The following KIF6 variants were observed in gnomAD, a reference collection of about 807,000 sequenced individuals.
KIF6 encodes kinesin family member 6, also known as kinesin-like protein KIF6.
Under a neutral mutation model 112.7 loss-of-function variants are expected in KIF6, and 106 were observed. The observed-to-expected ratio is 0.94, with a 90% CI of 0.80 to 1.11. KIF6 has a LOEUF of 1.11. Among genes scored for constraint, KIF6 ranks in the 50% least tolerant of loss-of-function variants. The pLI is 0.00. For missense variants in KIF6, 929 were observed against 964.0 expected, an observed-to-expected ratio of 0.96 and a Z score of 0.48; for synonymous variants, 339 against 339.9, an observed-to-expected ratio of 1.00 and a Z score of 0.03.
chr6:39,658,380 C>G (rs532175761), intron 3 of KIF6, among the ~76,000 whole-genome samples: 1 of 151,726 alleles, frequency 6.6e-6, no homozygotes, highest in Non-Finnish European at 1.5e-5. Flanking sequence ...ACTTTTAGTT[C>G]GGAAAATAAA....
At chr6:39,566,069 C>T (rs988201293) in intron 10 of KIF6, among the ~76,000 whole-genome samples, 1 of 152,186 alleles carries the variant, frequency 6.6e-6, no homozygotes, top group East Asian at 1.9e-4. Context: ...ATTTACAAGT[C>T]CCTTGCAAAA....
chr6:39,581,045 C>CTTGA (rs930554263), intron 9 of KIF6, among the ~76,000 whole-genome samples: 62 of 152,116 alleles, frequency 4.1e-4, no homozygotes, highest in African/African-American at 1.4e-3. Context: ...AATTAGCAGG[C>CTTGA]TTGATCCAGC....
chr6:39,655,241 G>GT (rs1358554910), intron 3 of KIF6, among the ~76,000 whole-genome samples: 1 of 151,852 alleles, frequency 6.6e-6, no homozygotes, highest in Non-Finnish European at 1.5e-5. Flanking sequence ...ACTTTTATAC[G>GT]TTTTTTGACC....
rs150604676 is a variant in KIF6, at chr6:39,370,211, G to A, written c.1862-7693C>T. ...TAGTAGGAAACTTGGCATGCCTACA[G>A]TCCAGCTGCATCTTTATTGCACTGG... On this transcript the variant is annotated intron_variant, in intron 16 of 22. Transcript: ENST00000287152. Among the ~76,000 whole-genome samples, 701 of 152,318 alleles carry A rather than the reference G, an allele frequency of 4.6e-3. 4 individuals carry two copies. Among genetic ancestry groups the A allele is most frequent in the African/African-American group, 0.016 (645 of 41,566 alleles).
rs770714881 is a variant in KIF6, at chr6:39,596,277, A to G, written c.640-17T>C. The G allele has an allele frequency of 2.6e-6, 4 of 1,541,196 alleles. No homozygotes were observed. In the Admixed American group the frequency reaches 6.8e-5, roughly 26 times the overall value. On this transcript the variant is annotated splice_polypyrimidine_tract_variant and intron_variant, in intron 6 of 22. Coordinates refer to ENST00000287152, the MANE Select transcript of KIF6 (RefSeq NM_145027.6). ...CATAGGAGTCTATAAAAAAATTGCA[A>G]AACAAAAATTATTTGAACAATGAAA...
At chr6:39,468,603 T>A (rs1773938904) in intron 13 of KIF6, among the ~76,000 whole-genome samples, 1 of 152,144 alleles carries the variant, frequency 6.6e-6, no homozygotes, top group Non-Finnish European at 1.5e-5. Context: ...CAACCAAGAC[T>A]CTTGTATTCA....
intron 16 of KIF6, among the ~76,000 whole-genome samples, chr6:39,379,437 G>A (rs1160613325): frequency 6.6e-6 from 1 of 152,186 alleles, no homozygotes; most frequent in East Asian, 1.9e-4. Context: ...CTAGGGATTC[G>A]AAGATGAATT....
At chr6:39,664,805 G>A (rs774195256) in intron 3 of KIF6, among the ~76,000 whole-genome samples, 26 of 151,988 alleles carry the variant, frequency 1.7e-4, no homozygotes, top group Non-Finnish European at 7.4e-5. Context: ...CCTTAATACC[G>A]TAATGCCAAA....
chr6:39,559,706 C>G (rs1169157480), intron 10 of KIF6, among the ~76,000 whole-genome samples: 2 of 151,976 alleles, frequency 1.3e-5, no homozygotes, highest in African/African-American at 4.8e-5. Context: ...CGTTTATTGA[C>G]TGCCTATTGT....
chr6:39,605,347 C>T (rs940237869), intron 6 of KIF6, among the ~76,000 whole-genome samples: 3 of 151,778 alleles, frequency 2.0e-5, no homozygotes, highest in South Asian at 2.1e-4. Context: ...ATTCAGCCTT[C>T]GCTTAAAAAT....
At chr6:39,350,580 T>C (rs1764166614) in intron 19 of KIF6, among the ~76,000 whole-genome samples, 1 of 152,008 alleles carries the variant, frequency 6.6e-6, no homozygotes, top group South Asian at 2.1e-4. Flanking sequence ...AGAAGGCCAG[T>C]GCTGTCTCCC....
chr6:39,672,467 G>A (rs767861188), intron 3 of KIF6, among the ~76,000 whole-genome samples: 39 of 152,134 alleles, frequency 2.6e-4, no homozygotes, highest in Non-Finnish European at 5.0e-4. Flanking sequence ...CATAATCTCA[G>A]TTAATATTTA....
chr6:39,408,225 T>A (rs9471093), intron 15 of KIF6, among the ~76,000 whole-genome samples: 74,605 of 152,064 alleles, frequency 0.49, 21,709 homozygotes, highest in Non-Finnish European at 0.65. Context: ...GATATGATCA[T>A]GTACAAGCAA....
At chr6:39,659,590 C>T (rs1001332299) in intron 3 of KIF6, among the ~76,000 whole-genome samples, 3 of 152,152 alleles carry the variant, frequency 2.0e-5, no homozygotes, top group Admixed American at 6.5e-5. Context: ...GCGGTTACCC[C>T]ATGCTGTTCT....
At chr6:39,661,635 T>G (rs533284974) in intron 3 of KIF6, among the ~76,000 whole-genome samples, 27 of 152,224 alleles carry the variant, frequency 1.8e-4, no homozygotes, top group African/African-American at 5.8e-4. Context: ...TAAAAGGGCA[T>G]GCAGTAGCGG....
chr6:39,615,186 A>AAT (rs1341704539), intron 5 of KIF6, among the ~76,000 whole-genome samples: 1 of 151,112 alleles, frequency 6.6e-6, no homozygotes, highest in Non-Finnish European at 1.5e-5. Context: ...AAAAAAAAAT[A>AAT]ACTACATAAA....
intron 3 of KIF6, among the ~76,000 whole-genome samples, chr6:39,654,102 C>T (rs546311374): frequency 2.6e-5 from 4 of 151,922 alleles, no homozygotes; most frequent in African/African-American, 9.7e-5. Context: ...GGAAAGAGTC[C>T]GATAGTAACG....
At chr6:39,453,819 A>C (rs1352174053) in intron 13 of KIF6, among the ~76,000 whole-genome samples, 1 of 152,192 alleles carries the variant, frequency 6.6e-6, no homozygotes, top group African/African-American at 2.4e-5. Flanking sequence ...AGGTATTTAA[A>C]AATATTCCTT....
chr6:39,599,263 T>C (rs1782451090), intron 6 of KIF6, among the ~76,000 whole-genome samples: 1 of 152,100 alleles, frequency 6.6e-6, no homozygotes, highest in East Asian at 1.9e-4. Context: ...TATGAGTAAA[T>C]ATGTTCAGAT....
Sources: gnomAD v4.1 joint callset for allele counts (sites outside exome capture counted in the v4.1 genomes callset) on GRCh38, gnomAD v4.1.1 for gene constraint, MANE v1.5 for transcripts, NCBI Gene and HGNC (gene_info 2026-07-23, HGNC 2026-07-21) for gene names.